Variants in PTK2B observed in about 807,000 individuals in gnomAD.
The protein encoded by PTK2B is protein tyrosine kinase 2 beta.
A neutral mutation model predicts 142.9 loss-of-function variants in PTK2B; 71 were observed. That is an observed-to-expected ratio of 0.50 (90% confidence interval 0.41 to 0.61). PTK2B has a LOEUF of 0.61. PTK2B is among the 20% of genes least tolerant of loss of function. The pLI, the probability that PTK2B is intolerant of heterozygous loss-of-function variation, is 0.00. For synonymous variants in PTK2B, 519 were observed against 503.4 expected, an observed-to-expected ratio of 1.03 and a Z score of -0.42; for missense variants, 1,105 against 1,320.4, an observed-to-expected ratio of 0.84 and a Z score of 2.53.
chr8:27,431,741 A>G (rs1199661953), intron 9 of PTK2B, among the ~76,000 whole-genome samples: 1 of 152,256 alleles, frequency 6.6e-6, no homozygotes, highest in Admixed American at 6.5e-5. Flanking sequence ...CGCAGAGCTC[A>G]GCAGTGTTGC....
At position 27,437,897 on chromosome 8, in the gene PTK2B, T is replaced by C; in HGVS notation, c.1643+17T>C. 1 of 1,591,946 alleles carries C rather than the reference T, an allele frequency of 6.3e-7. No individual in the cohort carries two copies. Among genetic ancestry groups the C allele is most frequent in the Non-Finnish European group, 8.6e-7 (1 of 1,167,352 alleles). On this transcript the variant is annotated intron_variant, in intron 18 of 30. Transcript: ENST00000346049. ...CGTGCACAGGTAGGGGTGGAGGGAG[T>C]GGCCAGCGGTATGGAAGCCAGGCCT...
intron 2 of PTK2B, among the ~76,000 whole-genome samples, chr8:27,402,967 A>G (rs7005183): frequency 0.41 from 62,734 of 152,096 alleles, 13,329 homozygotes; most frequent in South Asian, 0.52. Context: ...CTGGGTTTAC[A>G]TGCAGAGGAG....
intron 5 of PTK2B, among the ~76,000 whole-genome samples, chr8:27,426,400 A>G (rs2131941209): frequency 6.6e-6 from 1 of 152,340 alleles, no homozygotes; most frequent in Non-Finnish European, 1.5e-5. Context: ...AGGGCACTCC[A>G]GGTAGGCACA....
intron 1 of PTK2B, among the ~76,000 whole-genome samples, chr8:27,340,709 AT>A: frequency 6.6e-6 from 1 of 152,354 alleles, no homozygotes; most frequent in African/African-American, 2.4e-5. Flanking sequence ...GCAGACAGGC[AT>A]TTCTGGGGTG....
At chr8:27,449,332 G>A (rs908849975) in intron 24 of PTK2B, among the ~76,000 whole-genome samples, 1 of 152,238 alleles carries the variant, frequency 6.6e-6, no homozygotes, top group African/African-American at 2.4e-5. Flanking sequence ...GGGGAAACGT[G>A]TGATTAGAAA....
intron 1 of PTK2B, among the ~76,000 whole-genome samples, chr8:27,350,778 G>T (rs1049482255): frequency 1.6e-4 from 24 of 150,854 alleles, no homozygotes; most frequent in African/African-American, 4.9e-5. Flanking sequence ...AGGAGTTCAA[G>T]ACCACTCTGG....
intron 5 of PTK2B, among the ~76,000 whole-genome samples, chr8:27,423,639 G>A (rs1427297837): frequency 6.6e-6 from 1 of 152,114 alleles, no homozygotes; most frequent in Admixed American, 6.5e-5. Context: ...TGACCTCATG[G>A]TTAATAGAGA....
upstream of PTK2B, chr8:27,311,068 G>A: frequency 1.3e-6 from 2 of 1,597,146 alleles, no homozygotes; most frequent in Non-Finnish European, 1.7e-6. Context: ...ACACTGGGCA[G>A]GTGGGCGACA....
intron 1 of PTK2B, among the ~76,000 whole-genome samples, chr8:27,360,901 G>T (rs1180663666): frequency 6.6e-6 from 1 of 152,144 alleles, no homozygotes; most frequent in Non-Finnish European, 1.5e-5. Flanking sequence ...AAACGTGTCG[G>T]TCTTTCGAAA....
intron 1 of PTK2B, among the ~76,000 whole-genome samples, chr8:27,378,616 T>C (rs1207642540): frequency 7.6e-4 from 51 of 66,838 alleles, no homozygotes; most frequent in Non-Finnish European, 9.2e-4. Flanking sequence ...TGTGTGTGTG[T>C]GTGTGTGTGT....
chr8:27,368,696 A>G (rs1209406736), intron 1 of PTK2B, among the ~76,000 whole-genome samples: 1 of 152,108 alleles, frequency 6.6e-6, no homozygotes, highest in East Asian at 1.9e-4. Context: ...GCTCCCAGCA[A>G]CATTGCTTGA....
chr8:27,341,749 A>G (rs770006073), intron 1 of PTK2B, among the ~76,000 whole-genome samples: 5 of 151,966 alleles, frequency 3.3e-5, no homozygotes, highest in African/African-American at 7.3e-5. Context: ...TTATACCTCA[A>G]TGCAGCTTCT....
At chr8:27,444,352 A>G in intron 23 of PTK2B, 81 bp downstream of exon 23, 1 of 1,493,646 alleles carries the variant, frequency 6.7e-7, no homozygotes, top group Non-Finnish European at 9.3e-7. Context: ...GCCTTAGAGG[A>G]GCAGCAGTCA....
At chr8:27,386,926 A>G (rs868111634) in intron 1 of PTK2B, among the ~76,000 whole-genome samples, 23 of 151,154 alleles carry the variant, frequency 1.5e-4, no homozygotes, top group African/African-American at 5.4e-4. Flanking sequence ...TATTACATGT[A>G]TCATAAAATA....
At chr8:27,420,823 A>T in intron 4 of PTK2B, 79 bp downstream of exon 4, 1 of 1,319,450 alleles carries the variant, frequency 7.6e-7, no homozygotes. Context: ...TCTCCTAGGG[A>T]GATGGAAAGA....
chr8:27,329,323 A>G (rs890263202), intron 1 of PTK2B, among the ~76,000 whole-genome samples: 2 of 152,168 alleles, frequency 1.3e-5, no homozygotes, highest in Non-Finnish European at 2.9e-5. Flanking sequence ...AGATCCGGCC[A>G]TGTTTCATCG....
At chr8:27,318,435 A>G (rs1345896725) in intron 3 of PTK2B, among the ~76,000 whole-genome samples, 3 of 152,202 alleles carry the variant, frequency 2.0e-5, no homozygotes, top group Non-Finnish European at 4.4e-5. Context: ...TTCAGAGCCA[A>G]GAAGACCAAA....
chr8:27,434,452 G>T, intron 12 of PTK2B, 61 bp from the exon 13 acceptor site: 4 of 1,542,736 alleles, frequency 2.6e-6, no homozygotes, highest in Non-Finnish European at 3.5e-6. Flanking sequence ...GGCCGAGGCT[G>T]CCCAGGGGAA....
intron 3 of PTK2B, among the ~76,000 whole-genome samples, chr8:27,316,651 A>G (rs1803102007): frequency 6.6e-6 from 1 of 152,216 alleles, no homozygotes; most frequent in Non-Finnish European, 1.5e-5. Context: ...CAGAGTTACC[A>G]AGTAAATCTT....
Sources: gnomAD v4.1 joint callset for allele counts (sites outside exome capture counted in the v4.1 genomes callset) on GRCh38, gnomAD v4.1.1 for gene constraint, MANE v1.5 for transcripts, NCBI Gene and HGNC (gene_info 2026-07-23, HGNC 2026-07-21) for gene names.